The following DPP6 variants were observed in gnomAD, a reference collection of about 807,000 sequenced individuals.
DPP6 encodes A-type potassium channel modulatory protein DPP6.
Under a neutral mutation model 122.6 loss-of-function variants are expected in DPP6, and 69 were observed. That is an observed-to-expected ratio of 0.56 (90% CI 0.46 to 0.69). DPP6 has a LOEUF of 0.69. DPP6 is among the 30% of genes least tolerant of loss of function. The pLI is 0.00. For missense variants in DPP6, 928 were observed against 1,116.9 expected (o/e 0.83, Z 2.41); for synonymous variants, 418 against 433.1 (o/e 0.97, Z 0.43).
At chr7:154,117,897 C>G (rs1172402373) in intron 1 of DPP6, among the ~76,000 whole-genome samples, 1 of 152,036 alleles carries the variant, frequency 6.6e-6, no homozygotes, top group Non-Finnish European at 1.5e-5. Context: ...CACGGTAGGA[C>G]CCAGTACCAT....
At chr7:154,506,120 T>C (rs11766853) in intron 3 of DPP6, among the ~76,000 whole-genome samples, 34,408 of 152,078 alleles carry the variant, frequency 0.23, 3,993 homozygotes, top group Middle Eastern at 0.32. Flanking sequence ...AAAAAGTTGA[T>C]TTTGACAATG....
At chr7:154,593,276 G>C (rs897020730) in intron 5 of DPP6, among the ~76,000 whole-genome samples, 3 of 152,194 alleles carry the variant, frequency 2.0e-5, no homozygotes, top group African/African-American at 7.2e-5. Flanking sequence ...TCCTTGGTAG[G>C]AGGAGGCAGA....
chr7:154,529,482 A>C (rs1429763046), intron 3 of DPP6, among the ~76,000 whole-genome samples: 1 of 152,228 alleles, frequency 6.6e-6, no homozygotes, highest in South Asian at 2.1e-4. Flanking sequence ...ATTAATATCC[A>C]TAATGTCTAG....
chr7:154,637,333 G>A (rs1835788660), intron 5 of DPP6, among the ~76,000 whole-genome samples: 1 of 152,116 alleles, frequency 6.6e-6, no homozygotes, highest in African/African-American at 2.4e-5. Flanking sequence ...GTTGTACAGG[G>A]GGTCAAAAGT....
intron 3 of DPP6, among the ~76,000 whole-genome samples, chr7:154,477,862 A>C (rs1822890565): frequency 6.6e-6 from 1 of 152,158 alleles, no homozygotes; most frequent in Admixed American, 6.5e-5. Flanking sequence ...TCTTAGGATG[A>C]TTCTCCCTCT....
chr7:153,960,642 C>T (rs1240014463), intron 1 of DPP6, among the ~76,000 whole-genome samples: 4 of 135,354 alleles, frequency 3.0e-5, no homozygotes, highest in Non-Finnish European at 6.4e-5. Context: ...TGTGTGTGCA[C>T]GTGTGTGTGT....
intron 1 of DPP6, among the ~76,000 whole-genome samples, chr7:154,089,223 A>G (rs1340561841): frequency 6.6e-6 from 1 of 151,952 alleles, no homozygotes; most frequent in African/African-American, 2.4e-5. Flanking sequence ...CATTTCCATC[A>G]GAAGTGTTCA....
chr7:154,836,646 G>A (rs1005151290), intron 16 of DPP6, among the ~76,000 whole-genome samples: 2 of 152,134 alleles, frequency 1.3e-5, no homozygotes, highest in Non-Finnish European at 2.9e-5. Flanking sequence ...GAAATTGGGA[G>A]GAAGAGATTT....
At chr7:154,295,888 C>T (rs1805503997) in intron 1 of DPP6, among the ~76,000 whole-genome samples, 1 of 151,330 alleles carries the variant, frequency 6.6e-6, no homozygotes, top group African/African-American at 2.4e-5. Flanking sequence ...CTCCCTGTTG[C>T]TCTGTGTACA....
At chr7:154,836,926 C>T (rs1801096511) in intron 16 of DPP6, among the ~76,000 whole-genome samples, 1 of 152,142 alleles carries the variant, frequency 6.6e-6, no homozygotes, top group Non-Finnish European at 1.5e-5. Context: ...AGGCTGGTCT[C>T]GAACTCCTGA....
chr7:154,381,608 G>T (rs147101349), intron 1 of DPP6, among the ~76,000 whole-genome samples: 7 of 152,112 alleles, frequency 4.6e-5, no homozygotes, highest in African/African-American at 1.4e-4. Flanking sequence ...TTCTTAATGC[G>T]CTGCTTGTTA....
At chr7:154,284,273 C>G (rs1044584608) in intron 1 of DPP6, among the ~76,000 whole-genome samples, 1 of 152,144 alleles carries the variant, frequency 6.6e-6, no homozygotes, top group African/African-American at 2.4e-5. Context: ...ATGAAACAAT[C>G]TGCAGGACGA....
intron 8 of DPP6, among the ~76,000 whole-genome samples, chr7:154,735,736 T>C (rs994473832): frequency 6.6e-6 from 1 of 152,246 alleles, no homozygotes; most frequent in African/African-American, 2.4e-5. Flanking sequence ...AGAGTTCCAT[T>C]CCTTCTGTGC....
At chr7:153,854,406 C>A in the DPP6 span, among the ~76,000 whole-genome samples, 1 of 151,602 alleles carries the variant, frequency 6.6e-6, no homozygotes, top group East Asian at 1.9e-4. Flanking sequence ...AAACAAACAA[C>A]CCCATCAAAA....
chr7:154,538,515 C>T (rs557773885), intron 3 of DPP6, among the ~76,000 whole-genome samples: 7 of 152,014 alleles, frequency 4.6e-5, no homozygotes, highest in East Asian at 1.9e-4. Context: ...AATGTGGGGG[C>T]GGGGTAGAAG....
rs544194842 is a variant in DPP6 at position 154,401,662 on chromosome 7, A to G, written c.244-44552A>G. ...AAAAACCCTAGAAGAAAACCTAGGC[A>G]TTACCATTCAGGACATAGGCATGGG... On this transcript the variant is annotated intron_variant, in intron 1 of 25. Transcript: ENST00000377770. Among the ~76,000 whole-genome samples the G allele has an allele frequency of 1.4e-4, 21 of 152,334 alleles. No homozygotes were observed. In the South Asian group the frequency reaches 4.3e-3, roughly 32 times the overall value.
the DPP6 span, among the ~76,000 whole-genome samples, chr7:153,822,552 C>A: frequency 7.2e-5 from 11 of 152,170 alleles, no homozygotes; most frequent in South Asian, 6.2e-4. Flanking sequence ...AACAGAGTAA[C>A]CTTCAATTCT....
At chr7:154,183,889 G>A (rs777015412) in intron 1 of DPP6, among the ~76,000 whole-genome samples, 2 of 152,212 alleles carry the variant, frequency 1.3e-5, no homozygotes, top group Non-Finnish European at 2.9e-5. Context: ...TCTGCATCGT[G>A]CATTTCTCTG....
At chr7:153,961,970 A>G (rs1390201530) in intron 1 of DPP6, among the ~76,000 whole-genome samples, 1 of 148,972 alleles carries the variant, frequency 6.7e-6, no homozygotes, top group Non-Finnish European at 1.5e-5. Context: ...GAGCACACAC[A>G]CAGCCATTAT....
Sources: allele counts gnomAD v4.1 joint callset (sites outside exome capture counted in the v4.1 genomes callset), GRCh38; gene constraint gnomAD v4.1.1; transcripts MANE v1.5; gene names NCBI Gene and HGNC (gene_info 2026-07-23, HGNC 2026-07-21).